The following TET3 variants were observed in gnomAD, a reference collection of about 807,000 sequenced individuals.
The protein encoded by TET3 is tet methylcytosine dioxygenase 3, also known as methylcytosine dioxygenase TET3.
TET3 carries 19 observed loss-of-function variants against 141.4 expected under a neutral mutation model. That is an observed-to-expected ratio of 0.13 (90% CI 0.09 to 0.20). The LOEUF is 0.20. Ranked by LOEUF, TET3 falls within the 10% of genes least tolerant of loss-of-function variation. The probability of loss-of-function intolerance (pLI) is 1.00; values close to 1 mark genes in which losing one functional copy is unlikely to be tolerated. For missense variants in TET3, 1,874 were observed against 2,356.9 expected (o/e 0.80, Z 4.24); for synonymous variants, 1,043 against 980.9 (o/e 1.06, Z -1.18).
At chr2:73,990,539 G>T (rs991806981) in intron 2 of TET3, among the ~76,000 whole-genome samples, 2 of 152,136 alleles carry the variant, frequency 1.3e-5, no homozygotes, top group Admixed American at 6.5e-5. Flanking sequence ...GACCATGGAT[G>T]AGGGAAGTAA....
At chr2:74,031,982 G>T (rs1686720751) in intron 3 of TET3, among the ~76,000 whole-genome samples, 1 of 152,228 alleles carries the variant, frequency 6.6e-6, no homozygotes, top group Non-Finnish European at 1.5e-5. Context: ...GAGCTTTGGA[G>T]TATGTTAGTT....
chr2:74,017,014 A>T (rs1037810191), intron 3 of TET3, among the ~76,000 whole-genome samples: 4 of 152,032 alleles, frequency 2.6e-5, no homozygotes, highest in African/African-American at 9.7e-5. Context: ...AACCAAGCAC[A>T]GTGGCACACT....
chr2:74,127,696 T>G, the TET3 span, among the ~76,000 whole-genome samples: 1 of 150,790 alleles, frequency 6.6e-6, no homozygotes, highest in South Asian at 2.1e-4. Context: ...TCTGTGAGGT[T>G]TTTTTTTTTT....
intron 10 of TET3, among the ~76,000 whole-genome samples, chr2:74,096,776 AAAAAG>A (rs1277750179): frequency 1.3e-4 from 19 of 148,584 alleles, no homozygotes; most frequent in Admixed American, 2.7e-4. Context: ...CTCAAAAAAA[AAAAAG>A]AAAGAAAGAA....
chr2:73,987,255 G>T (rs144565350), intron 2 of TET3, among the ~76,000 whole-genome samples: 1 of 152,198 alleles, frequency 6.6e-6, no homozygotes, highest in South Asian at 2.1e-4. Flanking sequence ...TTCTTCTTGC[G>T]GTCAAAAACT....
chr2:74,124,241 G>A, the TET3 span, among the ~76,000 whole-genome samples: 2 of 148,686 alleles, frequency 1.3e-5, no homozygotes, highest in African/African-American at 5.0e-5. Flanking sequence ...CGCCCAGCCA[G>A]CCGCCCCGTC....
At chr2:74,118,523 T>C in the TET3 span, among the ~76,000 whole-genome samples, 4 of 152,206 alleles carry the variant, frequency 2.6e-5, no homozygotes, top group South Asian at 2.1e-4. Flanking sequence ...ATATAATACA[T>C]ATAACATACA....
intron 3 of TET3, among the ~76,000 whole-genome samples, chr2:74,021,246 T>G (rs376138373): frequency 4.3e-4 from 65 of 152,322 alleles, no homozygotes; most frequent in African/African-American, 1.5e-3. Flanking sequence ...CTGGAGGAGC[T>G]GCTTTCTCAG....
chr2:74,079,407 CT>C (rs1215925651), intron 5 of TET3, among the ~76,000 whole-genome samples: 2 of 152,014 alleles, frequency 1.3e-5, no homozygotes, highest in Non-Finnish European at 2.9e-5. Context: ...ATGGCTAGAG[CT>C]ATAAAGAATA....
rs1295461020 is a variant in TET3 at position 74,073,583 on chromosome 2, T to C, written c.2529T>C (p.Tyr843=). ...QIVEKDEGPY[Y]THLGSGPTVA... ...TGGAGAAAGATGAAGGTCCATATTATACTCACTTGGGATCTGGCCCCACGG... is the reference window on the plus strand; with the variant it reads ...TGGAGAAAGATGAAGGTCCATATTACACTCACTTGGGATCTGGCCCCACGG... Residue 843 remains tyrosine, a synonymous_variant, in exon 5 of 12, where the codon TAT becomes TAC. Transcript: ENST00000409262. 1.9e-6 allele frequency: 3 copies of C among 1,612,174 alleles called. No homozygotes were observed. The African/African-American group carries it at 4.0e-5, about 22-fold the overall frequency.
chr2:73,996,878 A>T (rs138361846), intron 2 of TET3, among the ~76,000 whole-genome samples: 20 of 152,338 alleles, frequency 1.3e-4, no homozygotes, highest in Admixed American at 1.1e-3. Flanking sequence ...ATTGTGGGAT[A>T]ACTGGCTGAC....
At chr2:74,005,546 C>T (rs1025230383) in intron 3 of TET3, among the ~76,000 whole-genome samples, 1 of 152,030 alleles carries the variant, frequency 6.6e-6, no homozygotes, top group African/African-American at 2.4e-5. Context: ...ATTTTCAGGT[C>T]GTGGTGTAAG....
chr2:74,000,821 A>G (rs1684811463), intron 2 of TET3, among the ~76,000 whole-genome samples: 1 of 152,104 alleles, frequency 6.6e-6, no homozygotes. Flanking sequence ...TTGTATGGGG[A>G]GTAAGTCAAA....
chr2:74,003,059 T>C (rs1684948554), intron 2 of TET3, 51 bp from the exon 3 acceptor site: 1 of 1,547,684 alleles, frequency 6.5e-7, no homozygotes, highest in Admixed American at 2.0e-5. Flanking sequence ...AGGACTTTGC[T>C]GCCTTCCTGG....
At chr2:73,988,431 G>A (rs1246576091) in intron 2 of TET3, among the ~76,000 whole-genome samples, 1 of 152,182 alleles carries the variant, frequency 6.6e-6, no homozygotes, top group Non-Finnish European at 1.5e-5. Context: ...AGTGGCCCTT[G>A]TGAACTAAGT....
chr2:74,123,573 G>T, the TET3 span, among the ~76,000 whole-genome samples: 3 of 152,244 alleles, frequency 2.0e-5, no homozygotes, highest in Admixed American at 2.0e-4. Flanking sequence ...AATCAGGAAA[G>T]GCTGGAGTGC....
chr2:73,992,228 C>T (rs1388565430), intron 2 of TET3, among the ~76,000 whole-genome samples: 1 of 152,118 alleles, frequency 6.6e-6, no homozygotes, highest in Non-Finnish European at 1.5e-5. Context: ...GCCAGCTACC[C>T]TACCTGAGTC....
rs574739389 is a variant in TET3 at position 74,000,376 on chromosome 2, C to T, written c.304-2734C>T. On this transcript the variant is annotated intron_variant, in intron 2 of 11. Coordinates refer to ENST00000409262, the MANE Select transcript of TET3 (RefSeq NM_001287491.2). The stretch of plus-strand genomic sequence containing the variant: ...GGAGGACTGCCGTGTAAATAAATAA[C>T]TGCACTTTATTGTGACTGGTGCTGT... 3.3e-5 allele frequency among the ~76,000 whole-genome samples: 5 copies of T among 152,320 alleles called. No homozygotes were observed. The East Asian group carries it at 9.6e-4, about 29-fold the overall frequency.
intron 4 of TET3, among the ~76,000 whole-genome samples, chr2:74,069,064 A>G (rs1487588052): frequency 6.6e-6 from 1 of 151,994 alleles, no homozygotes; most frequent in Non-Finnish European, 1.5e-5. Context: ...TTGGAATTTT[A>G]TGTCATACTT....
Sources: allele counts gnomAD v4.1 joint callset (sites outside exome capture counted in the v4.1 genomes callset), GRCh38; gene constraint gnomAD v4.1.1; transcripts MANE v1.5; gene names NCBI Gene and HGNC (gene_info 2026-07-23, HGNC 2026-07-21).